Variants in MICB observed in about 807,000 individuals in gnomAD.
MICB encodes MHC class I antigen-related protein B.
A neutral mutation model predicts 34.3 loss-of-function variants in MICB; 27 were observed. That is an observed-to-expected ratio of 0.79 (90% CI 0.58 to 1.08). MICB has a LOEUF of 1.08. Ranked by LOEUF, MICB falls within the 50% of genes least tolerant of loss-of-function variation. MICB has a pLI of 0.00. For missense variants in MICB, 426 were observed against 483.1 expected (o/e 0.88, Z 1.11); for synonymous variants, 153 against 187.4 (o/e 0.82, Z 1.50).
Position 31,507,610 on chromosome 6 carries a change from C to G in MICB, c.1024+79C>G. 4 of 1,559,348 alleles carry G rather than the reference C, an allele frequency of 2.6e-6. No homozygotes were observed. Among genetic ancestry groups the G allele is most frequent in the South Asian group, 2.3e-5 (2 of 87,542 alleles). Reference sequence around the variant, plus strand: ...GGTCTCCTCATTGCTCCTGCCCAGACAAGACGTAGGTGACAAGGCTGCTGG... The same window carrying G: ...GGTCTCCTCATTGCTCCTGCCCAGAGAAGACGTAGGTGACAAGGCTGCTGG... On this transcript the variant is annotated intron_variant, in intron 5 of 5. Coordinates refer to ENST00000252229, the MANE Select transcript of MICB (RefSeq NM_005931.5). The surrounding 1 kb of genome is among the most constrained non-coding windows in gnomAD (Gnocchi z 6.0).
rs1765589068 is a variant in MICB at position 31,510,107 on chromosome 6, A to T, written c.*198A>T. On this transcript the variant is annotated 3_prime_UTR_variant, in exon 6 of 6. Coordinates refer to ENST00000252229, the MANE Select transcript of MICB (RefSeq NM_005931.5). The stretch of plus-strand genomic sequence containing the variant: ...GCAAAGGGATCATGACCAACTCAAC[A>T]TTCCATTGGAGGCTATATGATCAAA... 6.0e-6 allele frequency: 3 copies of T among 500,414 alleles called. No individual in the cohort carries two copies. The South Asian group carries it at 1.5e-4, about 25-fold the overall frequency. 31.0% of individuals were successfully genotyped at this position (500,414 alleles called of 1,614,324 possible). A position where few individuals can be genotyped will look rare whatever the true frequency, so the allele number is the denominator to read the frequency against.
chr6:31,498,936 G>A (rs1764861769), intron 1 of MICB, among the ~76,000 whole-genome samples: 1 of 152,156 alleles, frequency 6.6e-6, no homozygotes, highest in African/African-American at 2.4e-5. Context: ...TTGGAAGGCC[G>A]TTCCAGCGCG....
rs1765569995 is a variant in MICB, at chr6:31,509,863, C to T, written c.1106C>T (p.Pro369Leu). 1 of 1,613,770 alleles carries T rather than the reference C, an allele frequency of 6.2e-7. No individual in the cohort carries two copies. Among genetic ancestry groups the T allele is most frequent in the African/African-American group, 1.3e-5 (1 of 75,022 alleles). The stretch of plus-strand genomic sequence containing the variant: ...GATGCAGCACAGCTGGGATTTCAGC[C>T]TCTGATGTCAGCTACTGGGTCCACT... The part of the protein sequence containing the change: ...HRDAAQLGFQ[P>L]LMSATGSTGS... The change falls in exon 6 of 6, where the codon CCT becomes CTT. Residue 369 changes from proline (P) to leucine (L), a missense_variant. Physicochemically the swap from Pro to Leu is moderately conservative, Grantham distance 98 (BLOSUM62 -3). Coordinates refer to ENST00000252229, the MANE Select transcript of MICB (RefSeq NM_005931.5).
In MICB at chr6:31,509,976, C is replaced by G; in HGVS notation, c.*67C>G. 6.9e-7 allele frequency: 1 copy of G among 1,448,856 alleles called. No individual in the cohort carries two copies. Among genetic ancestry groups the G allele is most frequent in the Non-Finnish European group, 9.1e-7 (1 of 1,098,816 alleles). The allele number at this position is 1,448,856 out of a possible 1,614,324, so 89.8% of individuals were successfully genotyped here. ...TCTCACCAGCACTTTCCCTCTGTTTCCTGACCTATGAAACAGAGAAAATAA... is the reference window on the plus strand; with the variant it reads ...TCTCACCAGCACTTTCCCTCTGTTTGCTGACCTATGAAACAGAGAAAATAA... On this transcript the variant is annotated 3_prime_UTR_variant, in exon 6 of 6. Transcript: ENST00000252229.
upstream of MICB, chr6:31,494,975 T>TTAGTC (rs370129857): frequency 0.33 from 51,288 of 154,592 alleles, 8,788 homozygotes; most frequent in East Asian, 0.46. Flanking sequence ...GCCTCTGTGC[T>TTAGTC]CGTGAGTCCA....
At position 31,507,569 on chromosome 6, in the gene MICB, C is replaced by A; in HGVS notation, c.1024+38C>A. 1.9e-6 allele frequency: 3 copies of A among 1,613,126 alleles called. No homozygotes were observed. Among genetic ancestry groups the A allele is most frequent in the Non-Finnish European group, 2.5e-6 (3 of 1,179,420 alleles). ...GACAGTTTCTGGAGATGGGAAAGCTCCTTTCTAGGCAGTAGGGTCTCCTCA... is the reference window on the plus strand; with the variant it reads ...GACAGTTTCTGGAGATGGGAAAGCTACTTTCTAGGCAGTAGGGTCTCCTCA... On this transcript the variant is annotated intron_variant, in intron 5 of 5. Transcript: ENST00000252229. The surrounding 1 kb of genome is among the most constrained non-coding windows in gnomAD (Gnocchi z 6.0).
chr6:31,497,325 A>G (rs2150274874), upstream of MICB, among the ~76,000 whole-genome samples: 1 of 151,908 alleles, frequency 6.6e-6, no homozygotes, highest in Non-Finnish European at 1.5e-5. Flanking sequence ...TAGATCTGTC[A>G]TATTGAAGGG....
At chr6:31,506,107 T>C (rs757309756) in intron 2 of MICB, 36 bp from the exon 3 acceptor site, 41 of 1,582,350 alleles carry the variant, frequency 2.6e-5, no homozygotes, top group Non-Finnish European at 3.5e-5. Context: ...AGGTGATGGG[T>C]TCGGGAATGG....
In MICB at chr6:31,505,758, A is replaced by G; in HGVS notation, c.212A>G (p.Gln71Arg). 1 of 1,613,236 alleles carries G rather than the reference A, an allele frequency of 6.2e-7. No individual in the cohort carries two copies. The highest frequency in any genetic ancestry group is 8.5e-7 in the Non-Finnish European group (1 of 1,180,044). ...RQKRRAKPQGQWAENVLGAKT... is the reference protein window; with the variant it reads ...RQKRRAKPQGRWAENVLGAKT... Reference sequence around the variant, plus strand: ...AAACGCAGGGCAAAGCCCCAGGGACAGTGGGCAGAAAATGTCCTGGGAGCT... The same window carrying G: ...AAACGCAGGGCAAAGCCCCAGGGACGGTGGGCAGAAAATGTCCTGGGAGCT... Residue 71 changes from glutamine to arginine, a missense_variant, in exon 2 of 6, where the codon CAG becomes CGG. Transcript: ENST00000252229.
At chr6:31,496,366 CTTTTTT>C (rs3034154), upstream of MICB, among the ~76,000 whole-genome samples, 1 of 121,634 alleles carries the variant, frequency 8.2e-6, no homozygotes, top group Non-Finnish European at 1.7e-5. Flanking sequence ...TCCTTTTTTT[CTTTTTT>C]TTTTTTTTTT....
chr6:31,504,943 G>T (rs2855812), intron 1 of MICB, among the ~76,000 whole-genome samples: 34,350 of 151,948 alleles, frequency 0.23, 4,033 homozygotes, highest in African/African-American at 0.26. Flanking sequence ...TACTCTTTGA[G>T]ACCCTGTCAC....
At chr6:31,497,660 T>A (rs542835774), upstream of MICB, among the ~76,000 whole-genome samples, 4 of 152,286 alleles carry the variant, frequency 2.6e-5, no homozygotes, top group East Asian at 7.7e-4. Flanking sequence ...TCTGCAAATC[T>A]GGTCACTGGT....
intron 1 of MICB, among the ~76,000 whole-genome samples, chr6:31,505,293 A>C (rs4713473): frequency 0.28 from 42,038 of 149,524 alleles, 6,043 homozygotes; most frequent in Admixed American, 0.35. Flanking sequence ...CTTCCTTCCA[A>C]CACTGCCTTC....
chr6:31,498,150 G>C lies in MICB; in HGVS notation c.-44G>C. On this transcript the variant is annotated 5_prime_UTR_variant, in exon 1 of 6. Transcript: ENST00000252229. ...GGGGTCTTCTCACGGGTTTCATTCAGTTGGCCACTGCTGAGCAGCTGAGAA... is the reference window on the plus strand; with the variant it reads ...GGGGTCTTCTCACGGGTTTCATTCACTTGGCCACTGCTGAGCAGCTGAGAA... The C allele has an allele frequency of 6.6e-7, 1 of 1,523,238 alleles. No individual in the cohort carries two copies. The highest frequency in any genetic ancestry group is 8.9e-7 in the Non-Finnish European group (1 of 1,120,954). 94.4% of individuals were successfully genotyped at this position (1,523,238 alleles called of 1,614,324 possible).
chr6:31,509,684 C>T (rs3132464), intron 5 of MICB, 98 bp from the exon 6 acceptor site: 1,103,825 of 1,400,818 alleles, frequency 0.79, 437,126 homozygotes, highest in East Asian at 0.9. Flanking sequence ...AGAGAAAGGG[C>T]GAATCTGATT....
In MICB at chr6:31,507,343, A is replaced by G. The variant is rs762659841; in HGVS notation, c.892+43A>G. The G allele has an allele frequency of 1.2e-5, 19 of 1,613,212 alleles. No homozygotes were observed. The African/African-American group carries it at 2.0e-4, about 17-fold the overall frequency. On this transcript the variant is annotated intron_variant, in intron 4 of 5. Transcript: ENST00000252229. This position sits in a 1 kb window ranked among gnomAD's most constrained non-coding sequence, Gnocchi z 6.0. Reference sequence around the variant, plus strand: ...CTGGAGAGGGTCAGGCCAGGGTAGGAACAGCAAGGACGGCTGTGGCTCTCT... The same window carrying G: ...CTGGAGAGGGTCAGGCCAGGGTAGGGACAGCAAGGACGGCTGTGGCTCTCT...
chr6:31,496,820 G>A (rs376166796), upstream of MICB: 2 of 152,926 alleles, frequency 1.3e-5, no homozygotes, highest in Non-Finnish European at 2.9e-5. Flanking sequence ...GATATGCTGT[G>A]GTCTGATGGG....
chr6:31,506,275 C>T lies in MICB; in HGVS notation c.458C>T (p.Pro153Leu), dbSNP rs1176619746. 2 of 1,614,174 alleles carry T rather than the reference C, an allele frequency of 1.2e-6. No homozygotes were observed. Among genetic ancestry groups the T allele is most frequent in the East Asian group, 2.2e-5 (1 of 44,870 alleles). ...CTGGAGACTCAAGAATCGACAGTGCCCCAGTCCTCCAGAGCTCAGACCTTG... is the reference window on the plus strand; with the variant it reads ...CTGGAGACTCAAGAATCGACAGTGCTCCAGTCCTCCAGAGCTCAGACCTTG... ...QNLETQESTV[P>L]QSSRAQTLAM... Residue 153 changes from proline to leucine, a missense_variant, in exon 3 of 6, where the codon CCC (proline) becomes CTC (leucine). Transcript: ENST00000252229.
At chr6:31,509,524 T>TA (rs1765543494) in intron 5 of MICB, among the ~76,000 whole-genome samples, 1 of 152,146 alleles carries the variant, frequency 6.6e-6, no homozygotes, top group Non-Finnish European at 1.5e-5. Context: ...TTGGGTCTTG[T>TA]CCTTTTGTCT....
Sources: allele counts gnomAD v4.1 joint callset (sites outside exome capture counted in the v4.1 genomes callset), GRCh38; gene constraint gnomAD v4.1.1; non-coding constraint Gnocchi (gnomAD v3.1); transcripts MANE v1.5; gene names NCBI Gene and HGNC (gene_info 2026-07-23, HGNC 2026-07-21).